ASTN2: variants seen among roughly 807,000 people sequenced by gnomAD.
The protein encoded by ASTN2 is astrotactin-2.
ASTN2 carries 54 observed loss-of-function variants against 139.8 expected under a neutral mutation model. That is an observed-to-expected ratio of 0.39 (90% confidence interval 0.31 to 0.48). The LOEUF (loss-of-function observed/expected upper bound fraction) is 0.48, where lower values mean the gene tolerates loss of function less well. Ranked by LOEUF, ASTN2 falls within the 20% of genes least tolerant of loss-of-function variation. The probability of loss-of-function intolerance (pLI) is 0.95; values close to 1 mark genes in which losing one functional copy is unlikely to be tolerated. For missense variants in ASTN2, 1,565 were observed against 1,725.1 expected (o/e 0.91, Z 1.64); for synonymous variants, 756 against 719.5 (o/e 1.05, Z -0.81).
chr9:116,866,368 A>G (rs1280290617), intron 10 of ASTN2, among the ~76,000 whole-genome samples: 1 of 152,224 alleles, frequency 6.6e-6, no homozygotes, highest in Non-Finnish European at 1.5e-5. Context: ...TCAGGGATGC[A>G]GCACAGGGAC....
intron 7 of ASTN2, among the ~76,000 whole-genome samples, chr9:116,993,763 T>C (rs1427502190): frequency 1.4e-5 from 2 of 147,578 alleles, no homozygotes; most frequent in Non-Finnish European, 3.0e-5. Context: ...TCTATATATG[T>C]ATATACAGTA....
intron 19 of ASTN2, among the ~76,000 whole-genome samples, chr9:116,572,530 ACTGAGATACTGAGTATTCGGCAGATGCGT>A (rs1853562359): frequency 6.6e-6 from 1 of 151,012 alleles, no homozygotes; most frequent in Non-Finnish European, 1.5e-5. Flanking sequence ...GAATAAGTGC[ACTGAGATACTGAGTATTCGGCAGATGCGT>A]CTTAAGCAGA....
chr9:116,562,950 C>A (rs888955160), intron 19 of ASTN2, among the ~76,000 whole-genome samples: 26 of 151,946 alleles, frequency 1.7e-4, no homozygotes, highest in African/African-American at 5.6e-4. Flanking sequence ...ACAGAGGTGA[C>A]CAAGAGAGGC....
chr9:117,212,860 T>C (rs1251318675), intron 3 of ASTN2, among the ~76,000 whole-genome samples: 3 of 152,204 alleles, frequency 2.0e-5, no homozygotes, highest in South Asian at 2.1e-4. Flanking sequence ...ACAGTCACTA[T>C]ATAGAACAGT....
intron 2 of ASTN2, among the ~76,000 whole-genome samples, chr9:117,259,066 C>T (rs752953576): frequency 5.9e-5 from 9 of 152,224 alleles, no homozygotes; most frequent in Non-Finnish European, 1.0e-4. Flanking sequence ...TGGCCAGTGA[C>T]GGAAGGCTTT....
chr9:117,374,880 C>T (rs1030844860), intron 1 of ASTN2, among the ~76,000 whole-genome samples: 6 of 152,112 alleles, frequency 3.9e-5, no homozygotes, highest in East Asian at 1.9e-4. Flanking sequence ...CTGGACAAAC[C>T]GAATACTGTC....
At chr9:117,359,530 T>G (rs1241694825) in intron 1 of ASTN2, among the ~76,000 whole-genome samples, 2 of 152,190 alleles carry the variant, frequency 1.3e-5, no homozygotes, top group African/African-American at 2.4e-5. Flanking sequence ...CGCATGTAGG[T>G]CCCAGCAGTA....
intron 5 of ASTN2, among the ~76,000 whole-genome samples, chr9:117,065,553 C>T (rs1423471651): frequency 1.3e-5 from 2 of 152,184 alleles, no homozygotes; most frequent in Non-Finnish European, 2.9e-5. Flanking sequence ...TCTCTCTCCC[C>T]TACCAGAATT....
chr9:116,887,351 G>A (rs1231192918), intron 10 of ASTN2, among the ~76,000 whole-genome samples: 1 of 151,972 alleles, frequency 6.6e-6, no homozygotes, highest in African/African-American at 2.4e-5. Context: ...GATGCCTGGG[G>A]AGAAGGGACA....
chr9:116,910,179 T>A (rs1834272444), intron 10 of ASTN2, among the ~76,000 whole-genome samples: 1 of 152,164 alleles, frequency 6.6e-6, no homozygotes, highest in African/African-American at 2.4e-5. Context: ...AATACAAAGT[T>A]ATACATTCAA....
chr9:117,409,005 T>C (rs935223487), intron 1 of ASTN2, among the ~76,000 whole-genome samples: 1 of 152,162 alleles, frequency 6.6e-6, no homozygotes, highest in Non-Finnish European at 1.5e-5. Context: ...GTTTATAATG[T>C]CCCAGAAACC....
At chr9:116,626,006 G>T (rs1370010262) in intron 17 of ASTN2, among the ~76,000 whole-genome samples, 1 of 151,982 alleles carries the variant, frequency 6.6e-6, no homozygotes, top group Non-Finnish European at 1.5e-5. Context: ...TTGAGACAGA[G>T]TCTCCCTTTG....
intron 11 of ASTN2, among the ~76,000 whole-genome samples, chr9:116,856,538 A>T (rs1263378451): frequency 1.3e-5 from 2 of 152,158 alleles, no homozygotes; most frequent in East Asian, 3.9e-4. Context: ...AGGATGAGGA[A>T]TGGAGAAAAG....
chr9:116,706,403 C>A (rs773647632), intron 16 of ASTN2, among the ~76,000 whole-genome samples: 2 of 152,030 alleles, frequency 1.3e-5, no homozygotes, highest in Non-Finnish European at 2.9e-5. Flanking sequence ...AATGCTTCCA[C>A]CTTTGTGCCT....
intron 11 of ASTN2, among the ~76,000 whole-genome samples, chr9:116,840,055 G>C (rs1274142405): frequency 6.8e-6 from 1 of 147,818 alleles, no homozygotes; most frequent in African/African-American, 2.6e-5. Flanking sequence ...CTGGGTACTT[G>C]AGATTAGGGA....
intron 1 of ASTN2, among the ~76,000 whole-genome samples, chr9:117,304,732 G>A (rs1245574607): frequency 2.6e-5 from 4 of 152,138 alleles, no homozygotes; most frequent in African/African-American, 7.2e-5. Context: ...TATTTATGAC[G>A]TGGTGCTGGA....
intron 1 of ASTN2, among the ~76,000 whole-genome samples, chr9:117,364,730 A>T (rs1024133217): frequency 5.9e-5 from 9 of 152,160 alleles, no homozygotes; most frequent in African/African-American, 2.2e-4. Context: ...CTTAAACTTA[A>T]GTTACGAAGT....
chr9:116,597,299 A>ATTTTTGTTTTTTTTTTTTTTTTTTTTT lies in ASTN2; in HGVS notation c.3355+21024_3355+21025insAAAAAAAAAAAAAAAAAAAAACAAAAA, dbSNP rs1554718677. On this transcript the variant is annotated intron_variant, in intron 19 of 22. Transcript: ENST00000313400. ...CAAAATATTCCATGACTTTTGATCT[A>ATTTTTGTTTTTTTTTTTTTTTTTTTTT]TTTTTTTTTTTTTTTTTTTTTTTTG... Among the ~76,000 whole-genome samples, 8 of 75,528 alleles carry ATTTTTGTTTTTTTTTTTTTTTTTTTTT rather than the reference A, an allele frequency of 1.1e-4. 1 individual carries two copies. The highest frequency in any genetic ancestry group is 2.0e-4 in the African/African-American group (4 of 20,480). 49.5% of individuals were successfully genotyped at this position (75,528 alleles called of 152,430 possible). A position where few individuals can be genotyped will look rare whatever the true frequency, so the allele number is the denominator to read the frequency against.
chr9:117,409,971 TG>T (rs1347408060), intron 1 of ASTN2, among the ~76,000 whole-genome samples: 1 of 152,180 alleles, frequency 6.6e-6, no homozygotes, highest in Non-Finnish European at 1.5e-5. Flanking sequence ...AAGCAGCCTT[TG>T]GGATGGTCCT....
Sources: gnomAD v4.1 joint callset for allele counts (sites outside exome capture counted in the v4.1 genomes callset) on GRCh38, gnomAD v4.1.1 for gene constraint, MANE v1.5 for transcripts, NCBI Gene and HGNC (gene_info 2026-07-23, HGNC 2026-07-21) for gene names.